The following SEC24D variants were observed in gnomAD, a reference collection of about 807,000 sequenced individuals.
The protein encoded by SEC24D is protein transport protein Sec24D.
In SEC24D, 69 loss-of-function variants were observed where a neutral mutation model predicts 116.9. The ratio of observed to expected loss-of-function variants is 0.59; its 90% confidence interval spans 0.49 to 0.72. SEC24D has a LOEUF of 0.72. Ranked by LOEUF, SEC24D falls within the 30% of genes least tolerant of loss-of-function variation. The probability of loss-of-function intolerance (pLI) is 0.00; values close to 1 mark genes in which losing one functional copy is unlikely to be tolerated. For synonymous variants in SEC24D, 405 were observed against 442.8 expected, an observed-to-expected ratio of 0.91 and a Z score of 1.07; for missense variants, 1,131 against 1,264.1, an observed-to-expected ratio of 0.89 and a Z score of 1.60.
chr4:118,767,512 T>A (rs1039655053), intron 9 of SEC24D, among the ~76,000 whole-genome samples: 3 of 152,230 alleles, frequency 2.0e-5, no homozygotes, highest in African/African-American at 7.2e-5. Flanking sequence ...GTTCTCAGCC[T>A]CAGTATGTAC....
intron 9 of SEC24D, chr4:118,766,809 T>C (rs1727664652): frequency 6.6e-6 from 1 of 152,172 alleles, no homozygotes; most frequent in Admixed American, 6.5e-5. Context: ...CTTCTCAGGA[T>C]TTTTTCCTCT....
chr4:118,734,515 G>A (rs191316970), intron 19 of SEC24D, among the ~76,000 whole-genome samples: 9 of 152,150 alleles, frequency 5.9e-5, no homozygotes, highest in Admixed American at 4.6e-4. Flanking sequence ...GCCTGGCTTA[G>A]TTTTCTGTCT....
intron 9 of SEC24D, 113 bp from the exon 10 acceptor site, chr4:118,765,030 T>C: frequency 1.5e-6 from 1 of 649,154 alleles, no homozygotes; most frequent in South Asian, 1.9e-5. Flanking sequence ...GAAAAATGTA[T>C]TTTAAAGCTG....
chr4:118,812,999 C>T (rs1205877926), intron 6 of SEC24D, among the ~76,000 whole-genome samples: 2 of 152,190 alleles, frequency 1.3e-5, no homozygotes, highest in African/African-American at 2.4e-5. Context: ...AAGCGAGCCA[C>T]ACCCCCACTG....
intron 19 of SEC24D, among the ~76,000 whole-genome samples, chr4:118,734,139 C>T (rs969699915): frequency 1.3e-5 from 2 of 149,462 alleles, no homozygotes; most frequent in African/African-American, 5.0e-5. Context: ...ATTATACATA[C>T]GAGATAATAA....
chr4:118,743,972 A>G lies in SEC24D; in HGVS notation c.1995+16T>C, dbSNP rs113388058. The G allele has an allele frequency of 1.6e-3, 2,524 of 1,589,162 alleles. 42 individuals are homozygous for G. In the African/African-American group the frequency reaches 0.031, roughly 19 times the overall value. On this transcript the variant is annotated intron_variant, in intron 15 of 22. Transcript: ENST00000280551. ...TGGGAGTAGAAGACCAAGGTGAACA[A>G]ATTGCTGGCATTTACCTGGAAATTG...
In SEC24D at chr4:118,815,711, G is replaced by A. The variant is rs780075768; in HGVS notation, c.413C>T (p.Pro138Leu). The change falls in exon 5 of 23, where the codon CCT (proline) becomes CTT (leucine). Residue 138 changes from proline (P) to leucine (L), a missense_variant. By Grantham distance (98) the Pro-to-Leu change is moderately conservative. Coordinates refer to ENST00000280551, the MANE Select transcript of SEC24D (RefSeq NM_014822.4). The part of the protein sequence containing the change: ...QINSYGSGMA[P>L]PSQGPPGPLS... ...AGGGCCAGGGGGTCCCTGGCTTGGA[G>A]GAGCCATGCCTGAACCTGTGTGAGA... 10 of 1,613,802 alleles carry A rather than the reference G, an allele frequency of 6.2e-6. No homozygotes were observed. The Admixed American group carries it at 1.7e-4, about 27-fold the overall frequency.
At chr4:118,775,345 CAAAAAAAA>C (rs55740002) in intron 8 of SEC24D, among the ~76,000 whole-genome samples, 38,793 of 114,652 alleles carry the variant, frequency 0.34, 5,992 homozygotes, top group Non-Finnish European at 0.39. Flanking sequence ...AGCAAAAGGT[CAAAAAAAA>C]AAAAAAAAAA....
At chr4:118,741,557 A>T (rs563515231) in intron 15 of SEC24D, among the ~76,000 whole-genome samples, 1 of 152,326 alleles carries the variant, frequency 6.6e-6, no homozygotes, top group East Asian at 1.9e-4. Context: ...TTTATATAAT[A>T]TGCACATGTG....
Position 118,797,780 on chromosome 4 carries a change from G to T in SEC24D, c.944C>A (p.Thr315Lys). ...GNASPRFIRC[T>K]TYCFPCTSDM... Reference sequence around the variant, plus strand: ...TGACGTGCATGGAAAACAGTATGTTGTACAACGGATGAATCGAGGACTGGC... The same window carrying T: ...TGACGTGCATGGAAAACAGTATGTTTTACAACGGATGAATCGAGGACTGGC... The change falls in exon 8 of 23, where the codon ACA (threonine) becomes AAA (lysine). Residue 315 changes from threonine (T) to lysine (K), a missense_variant. Coordinates refer to ENST00000280551, the MANE Select transcript of SEC24D (RefSeq NM_014822.4). 1 of 1,607,434 alleles carries T rather than the reference G, an allele frequency of 6.2e-7. No homozygotes were observed. The highest frequency in any genetic ancestry group is 2.2e-5 in the East Asian group (1 of 44,816).
At chr4:118,806,199 T>C (rs182884774) in intron 6 of SEC24D, among the ~76,000 whole-genome samples, 1 of 152,372 alleles carries the variant, frequency 6.6e-6, no homozygotes, top group Non-Finnish European at 1.5e-5. Context: ...GGTTACAATT[T>C]TAGAATAGTA....
chr4:118,734,898 A>G (rs1725879124), intron 19 of SEC24D, among the ~76,000 whole-genome samples: 1 of 152,246 alleles, frequency 6.6e-6, no homozygotes, highest in African/African-American at 2.4e-5. Flanking sequence ...TGATAAAAAG[A>G]TGCAGGAACC....
intron 8 of SEC24D, among the ~76,000 whole-genome samples, chr4:118,795,331 C>T (rs1054782458): frequency 1.2e-4 from 18 of 151,518 alleles, no homozygotes; most frequent in Admixed American, 5.3e-4. Context: ...GCCTCAGCCT[C>T]CCGAGTAGCT....
chr4:118,744,212 G>C lies in SEC24D; in HGVS notation c.1825-54C>G. On this transcript the variant is annotated intron_variant, in intron 14 of 22. Transcript: ENST00000280551. Reference sequence around the variant, plus strand: ...AAATAAAAATTACAAAATGTTTTTGGTTTAAATTTTAAATTTCTATTGAAT... The same window carrying C: ...AAATAAAAATTACAAAATGTTTTTGCTTTAAATTTTAAATTTCTATTGAAT... 5 of 1,404,800 alleles carry C rather than the reference G, an allele frequency of 3.6e-6. No homozygotes were observed. In the South Asian group the frequency reaches 6.0e-5, roughly 17 times the overall value. 87.0% of individuals were successfully genotyped at this position (1,404,800 alleles called of 1,614,324 possible).
At chr4:118,784,741 C>A (rs561061962) in intron 8 of SEC24D, among the ~76,000 whole-genome samples, 1 of 61,310 alleles carries the variant, frequency 1.6e-5, no homozygotes, top group African/African-American at 5.0e-5. Context: ...CCTTCCCTGC[C>A]CCCCCCCCCG....
intron 8 of SEC24D, among the ~76,000 whole-genome samples, chr4:118,781,717 AG>A (rs1247799788): frequency 1.3e-5 from 2 of 152,230 alleles, no homozygotes; most frequent in Non-Finnish European, 2.9e-5. Context: ...TGTCATTTTC[AG>A]GTACACCAAT....
At chr4:118,813,247 A>G (rs1007354109) in intron 6 of SEC24D, among the ~76,000 whole-genome samples, 2 of 152,196 alleles carry the variant, frequency 1.3e-5, no homozygotes, top group African/African-American at 4.8e-5. Context: ...TCACAAGCCA[A>G]GGAAGACCTG....
intron 19 of SEC24D, among the ~76,000 whole-genome samples, chr4:118,734,130 T>C (rs1010915399): frequency 3.4e-5 from 5 of 148,924 alleles, no homozygotes; most frequent in African/African-American, 1.2e-4. Flanking sequence ...AAAAGAAAAA[T>C]TATACATACG....
In SEC24D at chr4:118,745,077, AC is replaced by A; in HGVS notation, c.1708-18del. On this transcript the variant is annotated intron_variant, in intron 13 of 22. Coordinates refer to ENST00000280551, the MANE Select transcript of SEC24D (RefSeq NM_014822.4). ...GTCTGCTGCCTAAAAAAAAAAAAAAACCCAAAAACCCACAGAAAATGCCGTG... is the reference window on the plus strand; with the variant it reads ...GTCTGCTGCCTAAAAAAAAAAAAAAACCAAAAACCCACAGAAAATGCCGTG... The A allele has an allele frequency of 2.3e-6, 3 of 1,295,548 alleles. No homozygotes were observed. The highest frequency in any genetic ancestry group is 2.2e-6 in the Non-Finnish European group (2 of 917,138). The allele number at this position is 1,295,548 out of a possible 1,614,324, so 80.3% of individuals were successfully genotyped here. A position where few individuals can be genotyped will look rare whatever the true frequency, so the allele number is the denominator to read the frequency against.
Sources: allele counts gnomAD v4.1 joint callset (sites outside exome capture counted in the v4.1 genomes callset), GRCh38; gene constraint gnomAD v4.1.1; transcripts MANE v1.5; gene names NCBI Gene and HGNC (gene_info 2026-07-23, HGNC 2026-07-21).